Variants in AP3B1 observed in about 807,000 individuals in gnomAD.
The protein encoded by AP3B1 is AP-3 complex subunit beta-1.
In AP3B1, 61 loss-of-function variants were observed where a neutral mutation model predicts 132.5. That is an observed-to-expected ratio of 0.46 (90% CI 0.37 to 0.57). AP3B1 has a LOEUF of 0.57. Ranked by LOEUF, AP3B1 falls within the 20% of genes least tolerant of loss-of-function variation. AP3B1 has a pLI of 0.00. For missense variants in AP3B1, 1,120 were observed against 1,289.4 expected, an observed-to-expected ratio of 0.87 and a Z score of 2.01; for synonymous variants, 388 against 438.3, an observed-to-expected ratio of 0.89 and a Z score of 1.43.
At chr5:78,032,860 G>GA (rs1202087095) in intron 24 of AP3B1, among the ~76,000 whole-genome samples, 2 of 151,870 alleles carry the variant, frequency 1.3e-5, no homozygotes, top group Non-Finnish European at 2.9e-5. Context: ...AAGAAATTTA[G>GA]AAAAAATATT....
Position 78,246,845 on chromosome 5 carries a change from C to A in AP3B1, c.205-5909G>T, listed in dbSNP as rs183407171. 9.9e-5 allele frequency among the ~76,000 whole-genome samples: 15 copies of A among 152,056 alleles called. No homozygotes were observed. The East Asian group carries it at 2.9e-3, about 29-fold the overall frequency. On this transcript the variant is annotated intron_variant, in intron 2 of 26. Transcript: ENST00000255194. ...TGATTTCTACTCTACCTTATTATTT[C>A]TTTCTTTAGTTTTAATTTGAGTTTA... is the stretch of plus-strand genomic sequence containing the variant.
At chr5:78,156,214 C>G (rs1342261128) in intron 14 of AP3B1, 44 bp downstream of exon 14, 2 of 1,386,922 alleles carry the variant, frequency 1.4e-6, no homozygotes, top group East Asian at 4.6e-5. Context: ...AAAATTACAA[C>G]TTACTGAATA....
chr5:78,080,012 C>CTATT (rs1179597615), intron 22 of AP3B1, among the ~76,000 whole-genome samples: 5 of 151,774 alleles, frequency 3.3e-5, no homozygotes, highest in Admixed American at 2.0e-4. Context: ...TGTAATTTTC[C>CTATT]TATTTATTTA....
chr5:78,127,394 GAGAA>G (rs1488444934), intron 17 of AP3B1, among the ~76,000 whole-genome samples: 1 of 152,038 alleles, frequency 6.6e-6, no homozygotes, highest in African/African-American at 2.4e-5. Context: ...TTGTATATAT[GAGAA>G]AGAAACAGAT....
chr5:78,103,184 C>T (rs1165337710), intron 20 of AP3B1, among the ~76,000 whole-genome samples: 1 of 152,098 alleles, frequency 6.6e-6, no homozygotes, highest in East Asian at 1.9e-4. Flanking sequence ...CATTTTCATA[C>T]TTAAAGGATC....
intron 1 of AP3B1, among the ~76,000 whole-genome samples, chr5:78,278,959 C>T (rs1160001388): frequency 6.6e-6 from 1 of 152,120 alleles, no homozygotes; most frequent in African/African-American, 2.4e-5. Context: ...CATGGAAAAA[C>T]TGTCTTCCAT....
chr5:78,270,823 C>G (rs927357855), intron 1 of AP3B1, among the ~76,000 whole-genome samples: 3 of 152,176 alleles, frequency 2.0e-5, no homozygotes, highest in Non-Finnish European at 4.4e-5. Flanking sequence ...ACATCTGATA[C>G]CCATGACCAC....
chr5:78,144,489 CA>C (rs1176716670), intron 14 of AP3B1, among the ~76,000 whole-genome samples: 1 of 152,194 alleles, frequency 6.6e-6, no homozygotes, highest in Non-Finnish European at 1.5e-5. Flanking sequence ...CCTACAAAAA[CA>C]TCAATTTCAT....
rs113741830 is a variant in AP3B1 at position 78,045,469 on chromosome 5, C to G, written c.2578-6195G>C. ...TCCTAAGTTTATACAAGTCATATTA[C>G]GCCAAACTTCTCCAGCATCTAGATA... On this transcript the variant is annotated intron_variant, in intron 22 of 26. Transcript: ENST00000255194. Among the ~76,000 whole-genome samples, 824 of 151,130 alleles carry G rather than the reference C, an allele frequency of 5.5e-3. 6 individuals carry two copies. The highest frequency in any genetic ancestry group is 0.019 in the African/African-American group (788 of 41,112).
chr5:78,287,901 C>T (rs748093672), intron 1 of AP3B1, among the ~76,000 whole-genome samples: 9 of 152,040 alleles, frequency 5.9e-5, no homozygotes, highest in Non-Finnish European at 1.0e-4. Flanking sequence ...ATTATTAGAA[C>T]ACAAGAGATT....
At chr5:78,163,494 C>A (rs1743473266) in intron 12 of AP3B1, among the ~76,000 whole-genome samples, 1 of 151,638 alleles carries the variant, frequency 6.6e-6, no homozygotes, top group South Asian at 2.1e-4. Flanking sequence ...ACTTCAAATA[C>A]TCAGTTTATA....
At chr5:78,120,678 C>T (rs1157846488) in intron 17 of AP3B1, among the ~76,000 whole-genome samples, 16 of 152,092 alleles carry the variant, frequency 1.1e-4, no homozygotes, top group African/African-American at 3.6e-4. Flanking sequence ...TACAGGAGCA[C>T]CCAGATTCAT....
Position 78,128,045 on chromosome 5 carries a change from T to C in AP3B1, c.1953A>G (p.Val651=), listed in dbSNP as rs1752535112. 6.2e-7 allele frequency: 1 copy of C among 1,612,980 alleles called. No homozygotes were observed. The change falls in exon 17 of 27, where the codon GTA becomes GTG. Residue 651 remains valine (V), a synonymous_variant. Coordinates refer to ENST00000255194, the MANE Select transcript of AP3B1 (RefSeq NM_003664.5). ...EVAPDPSVRN[V]EVIELAKEWT... is the part of the protein sequence containing the mutation. ...GTCAACTTACCAACTCTATTACTTCTACATTTCGAACTGATGGGTCGGGCG... is the reference window on the plus strand; with the variant it reads ...GTCAACTTACCAACTCTATTACTTCCACATTTCGAACTGATGGGTCGGGCG...
chr5:78,077,893 C>T (rs548180052), intron 22 of AP3B1, among the ~76,000 whole-genome samples: 10 of 152,184 alleles, frequency 6.6e-5, no homozygotes, highest in Non-Finnish European at 1.2e-4. Flanking sequence ...TGACTCACCT[C>T]CTTCTTTCAC....
rs140805155 is a variant in AP3B1, at chr5:78,116,099, T to C, written c.2077+27A>G. The C allele has an allele frequency of 4.7e-6, 7 of 1,478,954 alleles. No individual in the cohort carries two copies. The African/African-American group carries it at 6.9e-5, about 15-fold the overall frequency. 91.6% of individuals were successfully genotyped at this position (1,478,954 alleles called of 1,614,324 possible). A position where few individuals can be genotyped will look rare whatever the true frequency, so the allele number is the denominator to read the frequency against. ...AGAATGTAATCTACTATGTAAATAA[T>C]ATATGCCAATAAATTATAAAACCCA... On this transcript the variant is annotated intron_variant, in intron 18 of 26. Coordinates refer to ENST00000255194, the MANE Select transcript of AP3B1 (RefSeq NM_003664.5).
In AP3B1 at chr5:78,274,061, G is replaced by C. The variant is rs185117788; in HGVS notation, c.129-6466C>G. ...AAAAAAAAAAAAAAAACCAGGAGCA[G>C]ATCCATGAGTGACTCAGATACCAGA... is the stretch of plus-strand genomic sequence containing the variant. On this transcript the variant is annotated intron_variant, in intron 1 of 26. Coordinates refer to ENST00000255194, the MANE Select transcript of AP3B1 (RefSeq NM_003664.5). 8.4e-5 allele frequency among the ~76,000 whole-genome samples: 12 copies of C among 142,926 alleles called. No individual in the cohort carries two copies. In the East Asian group the frequency reaches 1.0e-3, roughly 12 times the overall value. 93.8% of individuals were successfully genotyped at this position (142,926 alleles called of 152,430 possible).
At chr5:78,287,396 G>C (rs1182570159) in intron 1 of AP3B1, among the ~76,000 whole-genome samples, 8 of 151,960 alleles carry the variant, frequency 5.3e-5, no homozygotes, top group African/African-American at 1.7e-4. Flanking sequence ...TAAGATAAAA[G>C]GTTTTATAAT....
intron 19 of AP3B1, among the ~76,000 whole-genome samples, chr5:78,110,912 C>T (rs1751563521): frequency 6.6e-6 from 1 of 151,962 alleles, no homozygotes; most frequent in Admixed American, 6.6e-5. Context: ...GCATGCACCA[C>T]CACATCCAGC....
chr5:78,162,706 T>C (rs1390038726), intron 13 of AP3B1, 113 bp downstream of exon 13: 2 of 1,110,200 alleles, frequency 1.8e-6, no homozygotes, highest in African/African-American at 3.1e-5. Flanking sequence ...ACCATACTAC[T>C]GATATAACTG....
Sources: gnomAD v4.1 joint callset for allele counts (sites outside exome capture counted in the v4.1 genomes callset) on GRCh38, gnomAD v4.1.1 for gene constraint, MANE v1.5 for transcripts, NCBI Gene and HGNC (gene_info 2026-07-23, HGNC 2026-07-21) for gene names.